The following SGK3 variants were observed in gnomAD, a reference collection of about 807,000 sequenced individuals.
SGK3 encodes the protein serum/glucocorticoid regulated kinase family member 3, also known as serine/threonine-protein kinase Sgk3.
SGK3 carries 47 observed loss-of-function variants against 68.5 expected under a neutral mutation model. The ratio of observed to expected loss-of-function variants is 0.69; its 90% CI spans 0.54 to 0.87. The LOEUF (loss-of-function observed/expected upper bound fraction) is 0.87, where lower values mean the gene tolerates loss of function less well. Ranked by LOEUF, SGK3 falls within the 40% of genes least tolerant of loss-of-function variation. The probability of loss-of-function intolerance (pLI) is 0.00; values close to 1 mark genes in which losing one functional copy is unlikely to be tolerated. For missense variants in SGK3, 479 were observed against 575.5 expected, an observed-to-expected ratio of 0.83 and a Z score of 1.72; for synonymous variants, 181 against 189.1, an observed-to-expected ratio of 0.96 and a Z score of 0.35.
rs1031057959 is a variant in SGK3 at position 66,712,825 on chromosome 8, C to T, written c.-130C>T. On this transcript the variant is annotated 5_prime_UTR_variant, in exon 1 of 17. Transcript: ENST00000521198. ...GCCCGCCGCGCCGGGAGCAGCACCG[C>T]GGGGCCAGGTAGGTGCGGGGCCGGC... 6.6e-6 allele frequency: 1 copy of T among 151,376 alleles called. No individual in the cohort carries two copies. The highest frequency in any genetic ancestry group is 2.4e-5 in the African/African-American group (1 of 41,344). The allele number at this position is 151,376 out of a possible 1,614,324, so 9.4% of individuals were successfully genotyped here. A position where few individuals can be genotyped will look rare whatever the true frequency, so the allele number is the denominator to read the frequency against.
At chr8:66,841,247 C>G in intron 13 of SGK3, 137 bp downstream of exon 13, 2 of 638,832 alleles carry the variant, frequency 3.1e-6, no homozygotes, top group Non-Finnish European at 4.8e-6. Context: ...CTGGAAATAC[C>G]TGATAATCAT....
At chr8:66,848,607 T>A (rs1205559463) in intron 15 of SGK3, among the ~76,000 whole-genome samples, 1 of 152,232 alleles carries the variant, frequency 6.6e-6, no homozygotes, top group Non-Finnish European at 1.5e-5. Flanking sequence ...GGAAAAGGTC[T>A]GTTTCCACCT....
chr8:66,783,179 T>C (rs115530360), intron 1 of SGK3, among the ~76,000 whole-genome samples: 62 of 152,374 alleles, frequency 4.1e-4, no homozygotes, highest in African/African-American at 1.5e-3. Context: ...CTGAAAAGTA[T>C]GTAATGGTAT....
At chr8:66,774,226 C>T (rs771940920) in intron 1 of SGK3, among the ~76,000 whole-genome samples, 12 of 152,174 alleles carry the variant, frequency 7.9e-5, no homozygotes, top group Non-Finnish European at 1.3e-4. Flanking sequence ...GCTAGGCTGG[C>T]CTCTTGGCAT....
chr8:66,797,495 C>A (rs1401699099), intron 2 of SGK3, among the ~76,000 whole-genome samples: 1 of 152,128 alleles, frequency 6.6e-6, no homozygotes, highest in East Asian at 1.9e-4. Context: ...AGATTACCAT[C>A]CTGCAGCTCA....
At chr8:66,764,626 G>A (rs182702256) in intron 1 of SGK3, among the ~76,000 whole-genome samples, 2 of 151,970 alleles carry the variant, frequency 1.3e-5, no homozygotes, top group African/African-American at 4.8e-5. Context: ...GCTCCACTAC[G>A]CCTGGCTAAT....
At chr8:66,717,217 A>C (rs1171571452) in intron 1 of SGK3, among the ~76,000 whole-genome samples, 1 of 115,756 alleles carries the variant, frequency 8.6e-6, no homozygotes, top group Non-Finnish European at 1.6e-5. Context: ...GAAAAAAAAA[A>C]ACAAAAAAAA....
At chr8:66,849,830 C>T (rs943722172) in intron 15 of SGK3, among the ~76,000 whole-genome samples, 1 of 152,098 alleles carries the variant, frequency 6.6e-6, no homozygotes, top group Non-Finnish European at 1.5e-5. Flanking sequence ...CCTCCCACTT[C>T]GGACTCCCAA....
intron 4 of SGK3, among the ~76,000 whole-genome samples, chr8:66,806,172 G>GC (rs1554601221): frequency 1.7e-4 from 25 of 149,744 alleles, no homozygotes; most frequent in Non-Finnish European, 2.8e-4. Flanking sequence ...TACATACAGA[G>GC]TTTTTTTTTT....
intron 14 of SGK3, among the ~76,000 whole-genome samples, chr8:66,846,465 C>A (rs933073520): frequency 6.6e-6 from 1 of 152,146 alleles, no homozygotes; most frequent in Non-Finnish European, 1.5e-5. Context: ...CTGGCGTACA[C>A]CACCATGCCC....
At chr8:66,737,141 T>G (rs1236709267) in intron 1 of SGK3, 1 of 151,718 alleles carries the variant, frequency 6.6e-6, no homozygotes, top group African/African-American at 2.4e-5. Flanking sequence ...ATATTCTTAA[T>G]AGATAAAATT....
intron 1 of SGK3, among the ~76,000 whole-genome samples, chr8:66,713,405 TGGAAAG>T (rs1214643301): frequency 6.6e-6 from 1 of 152,232 alleles, no homozygotes; most frequent in East Asian, 1.9e-4. Flanking sequence ...CATCGTTACT[TGGAAAG>T]AGAAAAGAGA....
intron 1 of SGK3, among the ~76,000 whole-genome samples, chr8:66,763,992 C>T (rs924947479): frequency 1.9e-4 from 29 of 152,184 alleles, no homozygotes; most frequent in African/African-American, 6.3e-4. Context: ...ATCTCTCAGC[C>T]TCCCGAGTAG....
chr8:66,810,013 C>T (rs1466235015), intron 4 of SGK3, among the ~76,000 whole-genome samples: 1 of 152,128 alleles, frequency 6.6e-6, no homozygotes, highest in Non-Finnish European at 1.5e-5. Context: ...GTCTTGGAAG[C>T]CACATGCCAT....
At chr8:66,714,907 C>T (rs913669038) in intron 1 of SGK3, among the ~76,000 whole-genome samples, 5 of 152,178 alleles carry the variant, frequency 3.3e-5, no homozygotes, top group African/African-American at 4.8e-5. Context: ...GTGCCTGGCA[C>T]GTGCAGGCCT....
chr8:66,751,001 T>C (rs1376211869), intron 1 of SGK3, among the ~76,000 whole-genome samples: 2 of 148,494 alleles, frequency 1.3e-5, no homozygotes, highest in East Asian at 4.0e-4. Flanking sequence ...AGTGAGATCC[T>C]GTCTCAAAAA....
intron 1 of SGK3, among the ~76,000 whole-genome samples, chr8:66,747,786 A>G (rs1445823672): frequency 6.6e-6 from 1 of 152,178 alleles, no homozygotes; most frequent in Non-Finnish European, 1.5e-5. Context: ...ACTTTAATAT[A>G]AAGCTAAAAA....
At chr8:66,744,750 C>A (rs1260966736) in intron 1 of SGK3, among the ~76,000 whole-genome samples, 5 of 150,516 alleles carry the variant, frequency 3.3e-5, no homozygotes, top group Non-Finnish European at 7.4e-5. Context: ...AAATGATCCA[C>A]CCGCCTTGGC....
chr8:66,841,489 T>A (rs1809795130), intron 13 of SGK3, among the ~76,000 whole-genome samples: 1 of 152,220 alleles, frequency 6.6e-6, no homozygotes, highest in South Asian at 2.1e-4. Context: ...ATGAAAGTGT[T>A]CTTTCTGTGA....
Sources: gnomAD v4.1 joint callset for allele counts (sites outside exome capture counted in the v4.1 genomes callset) on GRCh38, gnomAD v4.1.1 for gene constraint, MANE v1.5 for transcripts, NCBI Gene and HGNC (gene_info 2026-07-23, HGNC 2026-07-21) for gene names.